GMDS: variants seen among roughly 807,000 people sequenced by gnomAD.
GMDS encodes GDP-mannose 4,6 dehydratase.
Under a neutral mutation model 49.9 loss-of-function variants are expected in GMDS, and 20 were observed. That is an observed-to-expected ratio of 0.40 (90% confidence interval 0.28 to 0.58). The LOEUF is 0.58. Ranked by LOEUF, GMDS falls within the 20% of genes least tolerant of loss-of-function variation. The pLI, the probability that GMDS is intolerant of heterozygous loss-of-function variation, is 0.42. For missense variants in GMDS, 362 were observed against 481.4 expected (o/e 0.75, Z 2.32); for synonymous variants, 177 against 178.6 (o/e 0.99, Z 0.07).
At chr6:2,107,622 A>C (rs1174053459) in intron 4 of GMDS, among the ~76,000 whole-genome samples, 2 of 152,246 alleles carry the variant, frequency 1.3e-5, no homozygotes, top group African/African-American at 4.8e-5. Flanking sequence ...AAGGGACAAC[A>C]GGACTGATCA....
chr6:1,867,525 C>T (rs1758497819), intron 7 of GMDS, among the ~76,000 whole-genome samples: 1 of 152,140 alleles, frequency 6.6e-6, no homozygotes, highest in South Asian at 2.1e-4. Context: ...TAGACACAGA[C>T]TACCAGAATG....
At chr6:1,973,741 G>T (rs1764742937) in intron 4 of GMDS, among the ~76,000 whole-genome samples, 1 of 152,106 alleles carries the variant, frequency 6.6e-6, no homozygotes, top group African/African-American at 2.4e-5. Context: ...AGTAGGAAGA[G>T]AGCAATAACC....
chr6:1,666,615 G>A (rs1205059817), intron 9 of GMDS, among the ~76,000 whole-genome samples: 1 of 152,194 alleles, frequency 6.6e-6, no homozygotes, highest in Non-Finnish European at 1.5e-5. Context: ...CGTGACGGTG[G>A]TGTGATCACT....
At chr6:2,080,310 C>T (rs1034195219) in intron 4 of GMDS, among the ~76,000 whole-genome samples, 2 of 152,116 alleles carry the variant, frequency 1.3e-5, no homozygotes, top group Admixed American at 6.6e-5. Flanking sequence ...TTCAGGATTT[C>T]GTGAATTTCT....
chr6:1,893,851 G>T (rs569498004), intron 7 of GMDS, among the ~76,000 whole-genome samples: 6 of 152,088 alleles, frequency 3.9e-5, no homozygotes, highest in Non-Finnish European at 8.8e-5. Flanking sequence ...AAAAATAACC[G>T]ACCTGCCATG....
intron 7 of GMDS, among the ~76,000 whole-genome samples, chr6:1,927,825 C>T (rs1253746792): frequency 6.6e-6 from 1 of 152,166 alleles, no homozygotes; most frequent in East Asian, 1.9e-4. Flanking sequence ...TGAAATGTCA[C>T]CTCCTACCCC....
intron 7 of GMDS, among the ~76,000 whole-genome samples, chr6:1,923,081 C>T (rs930431750): frequency 6.6e-6 from 1 of 152,196 alleles, no homozygotes; most frequent in African/African-American, 2.4e-5. Context: ...GTGCCTTTCG[C>T]CTTCCACCAT....
rs369492511 is a variant in GMDS at position 2,117,477 on chromosome 6, A to T, written c.227T>A (p.Ile76Asn). 6.4e-7 allele frequency: 1 copy of T among 1,571,130 alleles called. No homozygotes were observed. Among genetic ancestry groups the T allele is most frequent in the African/African-American group, 1.3e-5 (1 of 74,242 alleles). Residue 76 changes from isoleucine (I) to asparagine (N), a missense_variant, in exon 3 of 11, where the codon ATT becomes AAT. Physicochemically the swap from Ile to Asn is moderately radical, Grantham distance 149. Coordinates refer to ENST00000380815, the MANE Select transcript of GMDS (RefSeq NM_001500.4). Reference protein sequence around the residue: ...EHLYKNPQAHIEGNMKLHYGD... With the variant: ...EHLYKNPQAHNEGNMKLHYGD... The stretch of plus-strand genomic sequence containing the variant: ...AAAAGAAAATGACTTACTTCCTTCA[A>T]TGTGAGCCTGGGGATTCTTATACAG...
At chr6:2,084,593 G>A (rs1772902257) in intron 4 of GMDS, among the ~76,000 whole-genome samples, 1 of 151,922 alleles carries the variant, frequency 6.6e-6, no homozygotes, top group African/African-American at 2.4e-5. Flanking sequence ...TGCAAGCTCC[G>A]CCTCCCGGGT....
At position 1,893,620 on chromosome 6, in the gene GMDS, G is replaced by A. The variant is rs531875206; in HGVS notation, c.771+36483C>T. Reference sequence around the variant, plus strand: ...GCCAGTGAAACGTTTTTGCCATGCTGAAGTCATTTCCAGAGCTAAATCGGG... The same window carrying A: ...GCCAGTGAAACGTTTTTGCCATGCTAAAGTCATTTCCAGAGCTAAATCGGG... On this transcript the variant is annotated intron_variant, in intron 7 of 10. Coordinates refer to ENST00000380815, the MANE Select transcript of GMDS (RefSeq NM_001500.4). Among the ~76,000 whole-genome samples, 3 of 152,262 alleles carry A rather than the reference G, an allele frequency of 2.0e-5. No individual in the cohort carries two copies. The East Asian group carries it at 5.8e-4, about 29-fold the overall frequency.
intron 4 of GMDS, among the ~76,000 whole-genome samples, chr6:2,055,054 T>C (rs1296117596): frequency 6.6e-6 from 1 of 152,014 alleles, no homozygotes; most frequent in Non-Finnish European, 1.5e-5. Flanking sequence ...ATCATACGGA[T>C]ATAAAATCGA....
chr6:1,972,129 C>T (rs1561935998), intron 4 of GMDS, among the ~76,000 whole-genome samples: 1 of 152,152 alleles, frequency 6.6e-6, no homozygotes, highest in African/African-American at 2.4e-5. Flanking sequence ...CCTCTGAGAA[C>T]CTCTGGTGCC....
intron 8 of GMDS, among the ~76,000 whole-genome samples, chr6:1,740,115 A>G (rs748091081): frequency 7.2e-5 from 11 of 152,200 alleles, no homozygotes; most frequent in Non-Finnish European, 1.3e-4. Flanking sequence ...TTATGCTTAC[A>G]TCTTATTTTT....
At chr6:1,925,193 A>G (rs1761933053) in intron 7 of GMDS, among the ~76,000 whole-genome samples, 1 of 152,248 alleles carries the variant, frequency 6.6e-6, no homozygotes, top group African/African-American at 2.4e-5. Flanking sequence ...AAAAAGTTTT[A>G]TAATAAAATA....
rs1762222966 is a variant in GMDS, at chr6:1,930,172, T to C, written c.702A>G (p.Gln234=). 5 of 1,612,992 alleles carry C rather than the reference T, an allele frequency of 3.1e-6. No homozygotes were observed. The African/African-American group carries it at 6.7e-5, about 21-fold the overall frequency. Residue 234 remains glutamine, a synonymous_variant, in exon 7 of 11, where the codon CAA becomes CAG. Coordinates refer to ENST00000380815, the MANE Select transcript of GMDS (RefSeq NM_001500.4). ...SRSVAKIYLG[Q]LECFSLGNLD... is the part of the protein sequence containing the mutation. ...GATTTCCCAAACTGAAACATTCCAGTTGTCCAAGGTAAATCTTAGCTACTG... is the reference window on the plus strand; with the variant it reads ...GATTTCCCAAACTGAAACATTCCAGCTGTCCAAGGTAAATCTTAGCTACTG...
chr6:1,682,231 T>C (rs545546893), intron 9 of GMDS, among the ~76,000 whole-genome samples: 1 of 152,378 alleles, frequency 6.6e-6, no homozygotes, highest in East Asian at 1.9e-4. Context: ...TAATTTATTT[T>C]ATGACAAATA....
rs1429999460 is a variant in GMDS, at chr6:2,102,861, A to T, written c.345+12910T>A. On this transcript the variant is annotated intron_variant, in intron 4 of 10. Transcript: ENST00000380815. ...CCATTTAATTAAATTAAAAATTCAC[A>T]AAATTGCAAGATTATGTGTTTAGAC... is the stretch of plus-strand genomic sequence containing the variant. Among the ~76,000 whole-genome samples the T allele has an allele frequency of 2.0e-5, 3 of 152,204 alleles. No homozygotes were observed. The East Asian group carries it at 5.8e-4, about 29-fold the overall frequency.
intron 4 of GMDS, among the ~76,000 whole-genome samples, chr6:2,004,551 A>G (rs1436913226): frequency 6.6e-6 from 1 of 152,218 alleles, no homozygotes; most frequent in African/African-American, 2.4e-5. Flanking sequence ...GAAGTCTGAC[A>G]GCTCATAGTT....
intron 7 of GMDS, among the ~76,000 whole-genome samples, chr6:1,885,390 G>A (rs1759553651): frequency 6.6e-6 from 1 of 152,100 alleles, no homozygotes; most frequent in African/African-American, 2.4e-5. Flanking sequence ...TCAAATTAAT[G>A]TGCCACAAAT....
Sources: gnomAD v4.1 joint callset for allele counts (sites outside exome capture counted in the v4.1 genomes callset) on GRCh38, gnomAD v4.1.1 for gene constraint, MANE v1.5 for transcripts, NCBI Gene and HGNC (gene_info 2026-07-23, HGNC 2026-07-21) for gene names.